MTUS1: variants seen among roughly 807,000 people sequenced by gnomAD.
The protein encoded by MTUS1 is microtubule associated scaffold protein 1.
MTUS1 carries 109 observed loss-of-function variants against 120.8 expected under a neutral mutation model. The ratio of observed to expected loss-of-function variants is 0.90; its 90% CI spans 0.77 to 1.06. The LOEUF (loss-of-function observed/expected upper bound fraction) is 1.06, where lower values mean the gene tolerates loss of function less well. Ranked by LOEUF, MTUS1 falls within the 50% of genes least tolerant of loss-of-function variation. The pLI, the probability that MTUS1 is intolerant of heterozygous loss-of-function variation, is 0.00. For missense variants in MTUS1, 2,210 were observed against 1,486.3 expected, an observed-to-expected ratio of 1.49 and a Z score of -8.01; for synonymous variants, 737 against 550.5, an observed-to-expected ratio of 1.34 and a Z score of -4.74.
At chr8:17,775,797 C>A (rs1404124288) in intron 1 of MTUS1, among the ~76,000 whole-genome samples, 1 of 152,236 alleles carries the variant, frequency 6.6e-6, no homozygotes, top group African/African-American at 2.4e-5. Context: ...CCTGGTGAGG[C>A]AGCCTGGCCA....
chr8:17,657,988 T>C (rs1480908479), intron 8 of MTUS1, among the ~76,000 whole-genome samples: 3 of 149,886 alleles, frequency 2.0e-5, no homozygotes, highest in Non-Finnish European at 4.4e-5. Context: ...TATACATATA[T>C]AATACATATA....
At chr8:17,676,140 G>A (rs559114169) in intron 7 of MTUS1, 12 of 660,548 alleles carry the variant, frequency 1.8e-5, no homozygotes, top group South Asian at 1.7e-4. Flanking sequence ...TGATCACAGC[G>A]TTGCAGAGAT....
intron 6 of MTUS1, chr8:17,706,327 T>A (rs1403009784): frequency 6.6e-6 from 1 of 152,158 alleles, no homozygotes; most frequent in Non-Finnish European, 1.5e-5. Context: ...TGGAGAGGCT[T>A]AGCAACTAGC....
intron 8 of MTUS1, among the ~76,000 whole-genome samples, chr8:17,666,259 G>C (rs547093049): frequency 2.0e-4 from 29 of 147,114 alleles, no homozygotes; most frequent in African/African-American, 7.0e-4. Context: ...AAGGAATCCT[G>C]TTTCAATCAA....
In MTUS1 at chr8:17,724,114, A is replaced by T. The variant is rs1181943179; in HGVS notation, c.2288-281T>A. Reference sequence around the variant, plus strand: ...GTAATTAACTCACACATGTTCTCTGAAGGAGATGATCAATCAGAATAATCA... The same window carrying T: ...GTAATTAACTCACACATGTTCTCTGTAGGAGATGATCAATCAGAATAATCA... On this transcript the variant is annotated intron_variant, in intron 3 of 14. Coordinates refer to ENST00000693296, the MANE Select transcript of MTUS1 (RefSeq NM_001363059.2). The T allele has an allele frequency of 9.3e-6, 5 of 538,342 alleles. 1 individual carries two copies. Among genetic ancestry groups the T allele is most frequent in the Non-Finnish European group, 1.7e-5 (5 of 288,772 alleles). 33.3% of individuals were successfully genotyped at this position (538,342 alleles called of 1,614,324 possible).
At chr8:17,727,461 G>C (rs976623041) in intron 3 of MTUS1, among the ~76,000 whole-genome samples, 3 of 152,186 alleles carry the variant, frequency 2.0e-5, no homozygotes, top group African/African-American at 7.2e-5. Context: ...AGCTCTTACT[G>C]GACAGGAGCT....
At chr8:17,648,224 A>T (rs35911991) in intron 13 of MTUS1, among the ~76,000 whole-genome samples, 9 of 151,968 alleles carry the variant, frequency 5.9e-5, no homozygotes, top group African/African-American at 1.7e-4. Flanking sequence ...TAATTTCATC[A>T]GAGGCCTGTA....
intron 6 of MTUS1, among the ~76,000 whole-genome samples, chr8:17,702,587 T>C (rs1000471432): frequency 6.6e-6 from 1 of 152,212 alleles, no homozygotes; most frequent in Non-Finnish European, 1.5e-5. Flanking sequence ...GTTTCTGACT[T>C]TGACTATGTT....
At chr8:17,770,626 G>T (rs1397732334) in intron 1 of MTUS1, 1 of 152,186 alleles carries the variant, frequency 6.6e-6, no homozygotes, top group East Asian at 1.9e-4. Context: ...CCTCTCTGGG[G>T]ACTATGATTA....
intron 3 of MTUS1, among the ~76,000 whole-genome samples, chr8:17,734,830 A>G (rs1048795002): frequency 2.0e-5 from 3 of 152,232 alleles, no homozygotes; most frequent in African/African-American, 7.2e-5. Flanking sequence ...CTCCTGGCTC[A>G]TTAGGAGTCA....
chr8:17,679,289 T>C (rs1813779200), intron 7 of MTUS1, among the ~76,000 whole-genome samples: 1 of 151,676 alleles, frequency 6.6e-6, no homozygotes, highest in African/African-American at 2.4e-5. Context: ...ATAAAAAACA[T>C]ACATAATGTA....
At chr8:17,768,399 A>G (rs1181360165) in intron 1 of MTUS1, among the ~76,000 whole-genome samples, 2 of 152,234 alleles carry the variant, frequency 1.3e-5, no homozygotes, top group Non-Finnish European at 2.9e-5. Flanking sequence ...TATTAAGCAT[A>G]GAGACAGATA....
In MTUS1 at chr8:17,767,719, C is replaced by A. The variant is rs1427311993; in HGVS notation, c.-154-11758G>T. The stretch of plus-strand genomic sequence containing the variant: ...GTCTCTTAAAAAAAAAAAAAAAAAA[C>A]GGTGTGAAAGAGACTGAAGTGCAGC... On this transcript the variant is annotated intron_variant, in intron 1 of 14. Coordinates refer to ENST00000693296, the MANE Select transcript of MTUS1 (RefSeq NM_001363059.2). Among the ~76,000 whole-genome samples the A allele has an allele frequency of 4.4e-4, 37 of 83,916 alleles. No individual in the cohort carries two copies. In the South Asian group the frequency reaches 7.4e-3, roughly 17 times the overall value. 55.1% of individuals were successfully genotyped at this position (83,916 alleles called of 152,430 possible). A position where few individuals can be genotyped will look rare whatever the true frequency, so the allele number is the denominator to read the frequency against.
intron 2 of MTUS1, among the ~76,000 whole-genome samples, chr8:17,749,974 C>A (rs1333057683): frequency 6.6e-6 from 1 of 152,094 alleles, no homozygotes; most frequent in Non-Finnish European, 1.5e-5. Flanking sequence ...AACAACTGAG[C>A]TCAATAGAGA....
chr8:17,670,204 G>T (rs182582530), intron 8 of MTUS1, among the ~76,000 whole-genome samples: 18 of 152,316 alleles, frequency 1.2e-4, no homozygotes, highest in African/African-American at 4.3e-4. Context: ...GGAAGGAAGG[G>T]GCTGGACCAT....
At chr8:17,663,605 G>GTT (rs111999225) in intron 8 of MTUS1, among the ~76,000 whole-genome samples, 48 of 98,646 alleles carry the variant, frequency 4.9e-4, no homozygotes, top group African/African-American at 1.2e-3. Context: ...GTTTTGTTTT[G>GTT]TTTTTTTTGA....
At chr8:17,655,398 C>T (rs562487071) in intron 9 of MTUS1, among the ~76,000 whole-genome samples, 54 of 151,972 alleles carry the variant, frequency 3.6e-4, no homozygotes, top group South Asian at 1.7e-3. Flanking sequence ...TCAATTTTAT[C>T]TTTTCCTCCT....
rs185067901 is a variant in MTUS1 at position 17,652,819 on chromosome 8, G to A, written c.3384+367C>T. Among the ~76,000 whole-genome samples, 4 of 149,568 alleles carry A rather than the reference G, an allele frequency of 2.7e-5. No individual in the cohort carries two copies. In the South Asian group the frequency reaches 8.7e-4, roughly 33 times the overall value. On this transcript the variant is annotated intron_variant, in intron 12 of 14. Transcript: ENST00000693296. ...CCACTACACTCCAGCCTGAGTGACAGAGTGAGACTCCCTCTCAAAAAAAAA... is the reference window on the plus strand; with the variant it reads ...CCACTACACTCCAGCCTGAGTGACAAAGTGAGACTCCCTCTCAAAAAAAAA...
intron 3 of MTUS1, among the ~76,000 whole-genome samples, chr8:17,728,784 G>A (rs193212205): frequency 6.6e-6 from 1 of 152,036 alleles, no homozygotes; most frequent in African/African-American, 2.4e-5. Context: ...ATGTGGGTTG[G>A]GGGGGTCGGG....
Sources: gnomAD v4.1 joint callset for allele counts (sites outside exome capture counted in the v4.1 genomes callset) on GRCh38, gnomAD v4.1.1 for gene constraint, MANE v1.5 for transcripts, NCBI Gene and HGNC (gene_info 2026-07-23, HGNC 2026-07-21) for gene names.